Variants in HSD17B8 observed in about 807,000 individuals in gnomAD.
HSD17B8 encodes (3R)-3-hydroxyacyl-CoA dehydrogenase.
Under a neutral mutation model 33.2 loss-of-function variants are expected in HSD17B8, and 23 were observed. The ratio of observed to expected loss-of-function variants is 0.69; its 90% CI spans 0.50 to 0.98. The LOEUF is 0.98. Among genes scored for constraint, HSD17B8 ranks in the 50% least tolerant of loss-of-function variants. The pLI is 0.00. For missense variants in HSD17B8, 345 were observed against 347.5 expected, an observed-to-expected ratio of 0.99 and a Z score of 0.06; for synonymous variants, 137 against 138.6, an observed-to-expected ratio of 0.99 and a Z score of 0.08.
In HSD17B8 at chr6:33,206,400, G is replaced by A. The variant is rs778979432; in HGVS notation, c.720G>A (p.Leu240=). ...ATGTGGCAGATGTGGTCGCATTCTT[G>A]GCATCTGAAGATAGTGGATACATCA... ...PEDVADVVAF[L]ASEDSGYITG... is the part of the protein sequence containing the mutation. Residue 240 remains leucine, a synonymous_variant, in exon 8 of 9, where the codon TTG becomes TTA. Transcript: ENST00000374662. This position sits in a 1 kb window ranked among gnomAD's most constrained non-coding sequence, Gnocchi z 6.2. 3.7e-6 allele frequency: 6 copies of A among 1,613,974 alleles called. No homozygotes were observed. The highest frequency in any genetic ancestry group is 2.2e-5 in the South Asian group (2 of 91,076).
rs919533134 is a variant in HSD17B8, at chr6:33,205,376, C to A, written c.387+39C>A. ...AACCTGCGACGTTTGGCCCCCTTAG[C>A]CTGGGGAGGGAGTTGGAGGAGGGCT... On this transcript the variant is annotated intron_variant, in intron 3 of 8. Coordinates refer to ENST00000374662, the MANE Select transcript of HSD17B8 (RefSeq NM_014234.5). This position sits in a 1 kb window ranked among gnomAD's most constrained non-coding sequence, Gnocchi z 5.0. The A allele has an allele frequency of 6.2e-7, 1 of 1,604,674 alleles. No individual in the cohort carries two copies. Among genetic ancestry groups the A allele is most frequent in the Non-Finnish European group, 8.5e-7 (1 of 1,172,318 alleles).
chr6:33,205,071 T>C lies in HSD17B8; in HGVS notation c.222T>C (p.Ala74=). The change falls in exon 2 of 9, where the codon GCT becomes GCC. Residue 74 remains alanine (A), a synonymous_variant. Transcript: ENST00000374662. The surrounding 1 kb of genome is among the most constrained non-coding windows in gnomAD (Gnocchi z 5.0). ...PPRGNHAAFQ[A]DVSEARAARC... ...GAGGGAACCATGCTGCCTTCCAGGC[T>C]GACGTGTCTGAGGCCAGGGCCGCCA... is the stretch of plus-strand genomic sequence containing the variant. 1.3e-6 allele frequency: 2 copies of C among 1,564,344 alleles called. No homozygotes were observed. The highest frequency in any genetic ancestry group is 2.4e-5 in the South Asian group (2 of 82,780).
In HSD17B8 at chr6:33,206,189, T is replaced by C. The variant is rs1775049621; in HGVS notation, c.694+13T>C. On this transcript the variant is annotated intron_variant, in intron 7 of 8. Coordinates refer to ENST00000374662, the MANE Select transcript of HSD17B8 (RefSeq NM_014234.5). The surrounding 1 kb of genome is among the most constrained non-coding windows in gnomAD (Gnocchi z 6.2). ...GGGGACCCTGAGGGTGAGCACTGAA[T>C]GTAGTGGGGTCCCTGGGAAGGGGGC... 6.2e-7 allele frequency: 1 copy of C among 1,611,956 alleles called. No individual in the cohort carries two copies. The highest frequency in any genetic ancestry group is 8.5e-7 in the Non-Finnish European group (1 of 1,179,272).
Position 33,206,615 on chromosome 6 carries a change from C to G in HSD17B8, c.770-23C>G. 1 of 1,613,672 alleles carries G rather than the reference C, an allele frequency of 6.2e-7. No homozygotes were observed. The highest frequency in any genetic ancestry group is 8.5e-7 in the Non-Finnish European group (1 of 1,179,636). ...TTTGTGTCTCCACCCATGCATCTGTCCAAATGTTTCTGCCCCTCCCAGGAG... is the reference window on the plus strand; with the variant it reads ...TTTGTGTCTCCACCCATGCATCTGTGCAAATGTTTCTGCCCCTCCCAGGAG... On this transcript the variant is annotated intron_variant, in intron 8 of 8. Transcript: ENST00000374662. This position sits in a 1 kb window ranked among gnomAD's most constrained non-coding sequence, Gnocchi z 6.2.
In HSD17B8 at chr6:33,205,757, AC is replaced by A; in HGVS notation, c.566+34del. ...CAGATGCTTGAGGGTGCTGGGGAGC[AC>A]CTGGGGGGTCTGAGGGAGGTACCAG... On this transcript the variant is annotated intron_variant, in intron 5 of 8. Coordinates refer to ENST00000374662, the MANE Select transcript of HSD17B8 (RefSeq NM_014234.5). The surrounding 1 kb of genome is among the most constrained non-coding windows in gnomAD (Gnocchi z 5.0). 2 of 1,612,040 alleles carry A rather than the reference AC, an allele frequency of 1.2e-6. No individual in the cohort carries two copies. The highest frequency in any genetic ancestry group is 1.7e-6 in the Non-Finnish European group (2 of 1,179,200).
In HSD17B8 at chr6:33,205,643, G is replaced by A; in HGVS notation, c.484G>A (p.Gly162Arg). Residue 162 changes from glycine (G) to arginine (R), a missense_variant, in exon 5 of 9, where the codon GGG becomes AGG. Coordinates refer to ENST00000374662, the MANE Select transcript of HSD17B8 (RefSeq NM_014234.5). This position sits in a 1 kb window ranked among gnomAD's most constrained non-coding sequence, Gnocchi z 5.0. The part of the protein sequence containing the change: ...INISSIVGKV[G>R]NVGQTNYAAS... ...CACATCTCTGACTCACCTATAGGTGGGGAACGTGGGGCAGACAAACTATGC... is the reference window on the plus strand; with the variant it reads ...CACATCTCTGACTCACCTATAGGTGAGGAACGTGGGGCAGACAAACTATGC... 1.2e-6 allele frequency: 2 copies of A among 1,613,030 alleles called. No individual in the cohort carries two copies.
chr6:33,206,003 T>G lies in HSD17B8; in HGVS notation c.651+91T>G. On this transcript the variant is annotated intron_variant, in intron 6 of 8. Transcript: ENST00000374662. This position sits in a 1 kb window ranked among gnomAD's most constrained non-coding sequence, Gnocchi z 6.2. ...AGAGAGAGAGAGAGAGAGAGAATAC[T>G]GGGCACAGTTCCTGGCAAACATTAA... 8.5e-7 allele frequency: 1 copy of G among 1,180,082 alleles called. No homozygotes were observed. Among genetic ancestry groups the G allele is most frequent in the South Asian group, 1.4e-5 (1 of 71,818 alleles). The allele number at this position is 1,180,082 out of a possible 1,614,324, so 73.1% of individuals were successfully genotyped here.
In HSD17B8 at chr6:33,205,257, T is replaced by C; in HGVS notation, c.307T>C (p.Cys103Arg). 1 of 1,613,386 alleles carries C rather than the reference T, an allele frequency of 6.2e-7. No homozygotes were observed. The highest frequency in any genetic ancestry group is 8.5e-7 in the Non-Finnish European group (1 of 1,180,030). The change falls in exon 3 of 9, where the codon TGT becomes CGT. Residue 103 changes from cysteine (C) to arginine (R), a missense_variant. Cys to Arg is a radical substitution (Grantham distance 180). Coordinates refer to ENST00000374662, the MANE Select transcript of HSD17B8 (RefSeq NM_014234.5). This position sits in a 1 kb window ranked among gnomAD's most constrained non-coding sequence, Gnocchi z 5.0. ...FSRPPSVVVSCAGITQDEFLL... is the reference protein window; with the variant it reads ...FSRPPSVVVSRAGITQDEFLL... The stretch of plus-strand genomic sequence containing the variant: ...TCGCCCACCATCTGTCGTTGTGTCC[T>C]GTGCGGGCATCACCCAGGATGAGTT...
rs926002424 is a variant in HSD17B8 at position 33,204,828 on chromosome 6, C to T, written c.53-74C>T. 10 of 1,534,828 alleles carry T rather than the reference C, an allele frequency of 6.5e-6. No homozygotes were observed. The East Asian group carries it at 7.3e-5, about 11-fold the overall frequency. The stretch of plus-strand genomic sequence containing the variant: ...CCTCTGGCCCCTTACCCACATTTTA[C>T]TTTCTGCCCTGTGACCTCTGATCCC... On this transcript the variant is annotated intron_variant, in intron 1 of 8. Transcript: ENST00000374662.
In HSD17B8 at chr6:33,205,087, A is replaced by G. The variant is rs1319816682; in HGVS notation, c.238A>G (p.Arg80Gly). The change falls in exon 2 of 9, where the codon AGG becomes GGG. Residue 80 changes from arginine (R) to glycine (G), a missense_variant. Transcript: ENST00000374662. This position sits in a 1 kb window ranked among gnomAD's most constrained non-coding sequence, Gnocchi z 5.0. ...CTTCCAGGCTGACGTGTCTGAGGCC[A>G]GGGCCGCCAGGTGCCTGCTGGAACA... Reference protein sequence around the residue: ...AAFQADVSEARAARCLLEQVQ... With the variant: ...AAFQADVSEAGAARCLLEQVQ... 6.4e-7 allele frequency: 1 copy of G among 1,566,146 alleles called. No homozygotes were observed. The highest frequency in any genetic ancestry group is 8.7e-7 in the Non-Finnish European group (1 of 1,155,778).
At position 33,206,396 on chromosome 6, in the gene HSD17B8, T is replaced by G; in HGVS notation, c.716T>G (p.Phe239Cys). ...DPEDVADVVA[F>C]LASEDSGYIT... Reference sequence around the variant, plus strand: ...ATAGATGTGGCAGATGTGGTCGCATTCTTGGCATCTGAAGATAGTGGATAC... The same window carrying G: ...ATAGATGTGGCAGATGTGGTCGCATGCTTGGCATCTGAAGATAGTGGATAC... Residue 239 changes from phenylalanine to cysteine, a missense_variant, in exon 8 of 9, where the codon TTC becomes TGC. Transcript: ENST00000374662. This position sits in a 1 kb window ranked among gnomAD's most constrained non-coding sequence, Gnocchi z 6.2. 6.2e-7 allele frequency: 1 copy of G among 1,613,948 alleles called. No homozygotes were observed. The highest frequency in any genetic ancestry group is 8.5e-7 in the Non-Finnish European group (1 of 1,179,992).
rs1478153825 is a variant in HSD17B8 at position 33,206,816 on chromosome 6, G to A, written c.*162G>A. ...TGCTTGTGACCCTAATAAATTCCAA[G>A]TCCTCTTCCCTGCCACCTCCGGCTC... On this transcript the variant is annotated 3_prime_UTR_variant, in exon 9 of 9. Coordinates refer to ENST00000374662, the MANE Select transcript of HSD17B8 (RefSeq NM_014234.5). The surrounding 1 kb of genome is among the most constrained non-coding windows in gnomAD (Gnocchi z 6.2). 5.4e-6 allele frequency: 4 copies of A among 746,058 alleles called. No individual in the cohort carries two copies. In the East Asian group the frequency reaches 1.0e-4, roughly 19 times the overall value. The allele number at this position is 746,058 out of a possible 1,614,324, so 46.2% of individuals were successfully genotyped here.
chr6:33,206,176 G>A lies in HSD17B8; in HGVS notation c.694G>A (p.Asp232Asn). The A allele has an allele frequency of 6.2e-7, 1 of 1,612,860 alleles. No homozygotes were observed. The highest frequency in any genetic ancestry group is 8.5e-7 in the Non-Finnish European group (1 of 1,179,840). Residue 232 changes from aspartate (D) to asparagine (N), a missense_variant and splice_region_variant, in exon 7 of 9, where the codon GAT (aspartate) becomes AAT (asparagine). Coordinates refer to ENST00000374662, the MANE Select transcript of HSD17B8 (RefSeq NM_014234.5). This position sits in a 1 kb window ranked among gnomAD's most constrained non-coding sequence, Gnocchi z 6.2. ...IPMGHLGDPEDVADVVAFLAS... is the reference protein window; with the variant it reads ...IPMGHLGDPENVADVVAFLAS... ...GATGGGACACTTGGGGGACCCTGAG[G>A]GTGAGCACTGAATGTAGTGGGGTCC...
In HSD17B8 at chr6:33,205,220, G is replaced by A; in HGVS notation, c.271-1G>A. The A allele has an allele frequency of 1.2e-6, 2 of 1,613,080 alleles. No individual in the cohort carries two copies. Among genetic ancestry groups the A allele is most frequent in the Non-Finnish European group, 1.7e-6 (2 of 1,179,878 alleles). On this transcript the variant is annotated splice_acceptor_variant, in intron 2 of 8. Transcript: ENST00000374662. LOFTEE classifies it high-confidence loss of function. The surrounding 1 kb of genome is among the most constrained non-coding windows in gnomAD (Gnocchi z 5.0). Reference sequence around the variant, plus strand: ...TGATGCGTAACCTCCCCCTCCCATAGGCCTGCTTTTCTCGCCCACCATCTG... The same window carrying A: ...TGATGCGTAACCTCCCCCTCCCATAAGCCTGCTTTTCTCGCCCACCATCTG...
Position 33,206,093 on chromosome 6 carries a change from C to A in HSD17B8, c.652-41C>A. On this transcript the variant is annotated intron_variant, in intron 6 of 8. Transcript: ENST00000374662. The surrounding 1 kb of genome is among the most constrained non-coding windows in gnomAD (Gnocchi z 6.2). ...TCACAGACTCAGTCTTCAAAAAAATCCATAAAAGAAGCTTTCACCCACATG... is the reference window on the plus strand; with the variant it reads ...TCACAGACTCAGTCTTCAAAAAAATACATAAAAGAAGCTTTCACCCACATG... 1 of 1,595,512 alleles carries A rather than the reference C, an allele frequency of 6.3e-7. No individual in the cohort carries two copies. Among genetic ancestry groups the A allele is most frequent in the Non-Finnish European group, 8.5e-7 (1 of 1,171,646 alleles).
intron 1 of HSD17B8, 34 bp from the exon 2 acceptor site, chr6:33,204,868 C>G (rs1467131016): frequency 6.7e-7 from 1 of 1,492,216 alleles, no homozygotes; most frequent in Non-Finnish European, 8.9e-7. Flanking sequence ...CTCTCCTCCC[C>G]GTGCCCGGTC....
chr6:33,206,682 A>ACC lies in HSD17B8; in HGVS notation c.*34_*35dup. On this transcript the variant is annotated 3_prime_UTR_variant, in exon 9 of 9. Transcript: ENST00000374662. The surrounding 1 kb of genome is among the most constrained non-coding windows in gnomAD (Gnocchi z 6.2). ...GCCTCAAGGACCCTGGACTCTGCTC[A>ACC]CCCCCCCACCACTCTGCCTGGCCTC... The ACC allele has an allele frequency of 6.2e-7, 1 of 1,610,408 alleles. No homozygotes were observed. The highest frequency in any genetic ancestry group is 8.5e-7 in the Non-Finnish European group (1 of 1,177,548).
Position 33,205,969 on chromosome 6 carries a change from C to CCCAG in HSD17B8, c.651+57_651+58insCCAG. On this transcript the variant is annotated intron_variant, in intron 6 of 8. Transcript: ENST00000374662. The surrounding 1 kb of genome is among the most constrained non-coding windows in gnomAD (Gnocchi z 5.0). ...TCAGAGACTCAATCTCTCTGGGCTTCACAGAGAGAGAGAGAGAGAGAGAGA... is the reference window on the plus strand; with the variant it reads ...TCAGAGACTCAATCTCTCTGGGCTTCCCAGACAGAGAGAGAGAGAGAGAGAGAGA... 8.4e-7 allele frequency: 1 copy of CCCAG among 1,193,912 alleles called. No homozygotes were observed. The highest frequency in any genetic ancestry group is 1.2e-6 in the Non-Finnish European group (1 of 841,456). 74.0% of individuals were successfully genotyped at this position (1,193,912 alleles called of 1,614,324 possible).
chr6:33,206,545 A>G lies in HSD17B8; in HGVS notation c.770-93A>G. ...GGAGTCTGGAGCCACTGGGAAGGGC[A>G]GAGGTTCCCAAGGCCAGGGACAGAA... On this transcript the variant is annotated intron_variant, in intron 8 of 8. Coordinates refer to ENST00000374662, the MANE Select transcript of HSD17B8 (RefSeq NM_014234.5). This position sits in a 1 kb window ranked among gnomAD's most constrained non-coding sequence, Gnocchi z 6.2. 1 of 1,559,308 alleles carries G rather than the reference A, an allele frequency of 6.4e-7. No individual in the cohort carries two copies. The highest frequency in any genetic ancestry group is 1.1e-5 in the South Asian group (1 of 89,988).
Sources: allele counts gnomAD v4.1 joint callset, GRCh38; gene constraint gnomAD v4.1.1; non-coding constraint Gnocchi (gnomAD v3.1); transcripts MANE v1.5; gene names NCBI Gene and HGNC (gene_info 2026-07-23, HGNC 2026-07-21).